SYT14: variants seen among roughly 807,000 people sequenced by gnomAD.
SYT14 encodes synaptotagmin-14.
Under a neutral mutation model 74.2 loss-of-function variants are expected in SYT14, and 32 were observed. The observed-to-expected ratio is 0.43, with a 90% CI of 0.33 to 0.58. SYT14 has a LOEUF of 0.58. Among genes scored for constraint, SYT14 ranks in the 20% least tolerant of loss-of-function variants. SYT14 has a pLI of 0.05. For synonymous variants in SYT14, 298 were observed against 337.7 expected (o/e 0.88, Z 1.29); for missense variants, 791 against 981.8 (o/e 0.81, Z 2.60).
chr1:209,974,493 G>C (rs893022196), intron 2 of SYT14, among the ~76,000 whole-genome samples: 12 of 152,228 alleles, frequency 7.9e-5, no homozygotes, highest in Admixed American at 2.0e-4. Context: ...TCTTGTTTTT[G>C]TCAGATTTGT....
intron 2 of SYT14, among the ~76,000 whole-genome samples, chr1:209,959,973 G>T (rs2079053577): frequency 6.6e-6 from 1 of 152,058 alleles, no homozygotes; most frequent in South Asian, 2.1e-4. Flanking sequence ...TTCTTAACCA[G>T]CTCCTCTTTT....
chr1:210,005,550 T>G (rs1433640549), intron 2 of SYT14, among the ~76,000 whole-genome samples: 1 of 151,990 alleles, frequency 6.6e-6, no homozygotes, highest in Non-Finnish European at 1.5e-5. Context: ...GTTTCTCATT[T>G]AGATAATTGT....
intron 7 of SYT14, among the ~76,000 whole-genome samples, chr1:210,147,034 T>C (rs974222868): frequency 1.2e-4 from 19 of 152,022 alleles, no homozygotes; most frequent in Non-Finnish European, 2.1e-4. Context: ...GCAGGAAGAA[T>C]TGGTCCACCA....
At chr1:210,081,885 C>T (rs531839782) in intron 5 of SYT14, among the ~76,000 whole-genome samples, 1 of 152,208 alleles carries the variant, frequency 6.6e-6, no homozygotes, top group Non-Finnish European at 1.5e-5. Context: ...GATAGTGAAA[C>T]ATCTAGACAG....
intron 5 of SYT14, among the ~76,000 whole-genome samples, chr1:210,087,475 A>G (rs12732578): frequency 6.6e-6 from 1 of 151,818 alleles, no homozygotes. Context: ...CACACTCCTT[A>G]TCTTGTTTGG....
intron 2 of SYT14, among the ~76,000 whole-genome samples, chr1:210,004,069 A>G (rs2079948342): frequency 6.6e-6 from 1 of 152,076 alleles, no homozygotes; most frequent in Admixed American, 6.6e-5. Context: ...TTCACCAGTT[A>G]GAAACATTAT....
At chr1:209,969,426 T>C (rs1316719090) in intron 2 of SYT14, among the ~76,000 whole-genome samples, 1 of 152,106 alleles carries the variant, frequency 6.6e-6, no homozygotes, top group Admixed American at 6.5e-5. Flanking sequence ...TTTTTACTTT[T>C]TAATAATAGC....
At chr1:210,055,866 G>A (rs1238770762) in intron 5 of SYT14, among the ~76,000 whole-genome samples, 2 of 151,882 alleles carry the variant, frequency 1.3e-5, no homozygotes, top group African/African-American at 2.4e-5. Context: ...AAGTCAAAGT[G>A]AGTTCTCAGT....
At chr1:210,156,841 C>T in intron 8 of SYT14, 2 of 361,874 alleles carry the variant, frequency 5.5e-6, no homozygotes, top group South Asian at 2.1e-5. Context: ...TACAGGCACC[C>T]ACCACCACAC....
At chr1:210,021,489 T>C (rs1223339193) in intron 5 of SYT14, among the ~76,000 whole-genome samples, 3 of 152,228 alleles carry the variant, frequency 2.0e-5, no homozygotes, top group Admixed American at 6.5e-5. Flanking sequence ...GTGTTAATTG[T>C]AGCTCTTATT....
intron 5 of SYT14, among the ~76,000 whole-genome samples, chr1:210,046,228 G>C (rs1261886255): frequency 6.6e-6 from 1 of 152,080 alleles, no homozygotes; most frequent in East Asian, 1.9e-4. Flanking sequence ...ACAAAAATTG[G>C]CTAGGCATGG....
intron 5 of SYT14, among the ~76,000 whole-genome samples, chr1:210,070,390 G>GTTAA (rs1436262515): frequency 3.9e-5 from 6 of 152,184 alleles, no homozygotes; most frequent in African/African-American, 1.4e-4. Context: ...AAATGGAACT[G>GTTAA]TTAAATGTTA....
intron 2 of SYT14, among the ~76,000 whole-genome samples, chr1:209,983,455 CT>C (rs1414726678): frequency 1.3e-5 from 2 of 152,066 alleles, no homozygotes; most frequent in African/African-American, 4.8e-5. Flanking sequence ...TTAATGTTTA[CT>C]GAGTCTCTGA....
intron 1 of SYT14, among the ~76,000 whole-genome samples, chr1:209,951,510 C>G (rs11119374): frequency 2.0e-5 from 3 of 151,816 alleles, no homozygotes; most frequent in Non-Finnish European, 4.4e-5. Context: ...ATATATTTAC[C>G]ACATTTTCTT....
chr1:210,059,765 A>G (rs2081174368), intron 5 of SYT14, among the ~76,000 whole-genome samples: 1 of 152,070 alleles, frequency 6.6e-6, no homozygotes, highest in South Asian at 2.1e-4. Context: ...TGTGAGTGTT[A>G]AGAGTCTCAT....
chr1:210,140,605 T>C (rs1319187668), intron 7 of SYT14, among the ~76,000 whole-genome samples: 3 of 152,156 alleles, frequency 2.0e-5, no homozygotes, highest in East Asian at 1.9e-4. Flanking sequence ...TTTACTACTA[T>C]GTTTTCTTCT....
At chr1:209,973,856 A>G (rs543420911) in intron 2 of SYT14, among the ~76,000 whole-genome samples, 34 of 152,300 alleles carry the variant, frequency 2.2e-4, no homozygotes, top group African/African-American at 8.2e-4. Context: ...ATTTCTCCAC[A>G]TCCTCTCCAG....
chr1:210,107,915 A>G (rs2082188489), intron 7 of SYT14, among the ~76,000 whole-genome samples: 1 of 150,910 alleles, frequency 6.6e-6, no homozygotes. Context: ...TTGTTTTTTT[A>G]TGATAATCAT....
At chr1:209,965,217 A>G (rs535732259) in intron 2 of SYT14, among the ~76,000 whole-genome samples, 1 of 152,110 alleles carries the variant, frequency 6.6e-6, no homozygotes, top group Non-Finnish European at 1.5e-5. Flanking sequence ...TAGTTATTCA[A>G]CCCTTTTCCC....
Sources: allele counts gnomAD v4.1 joint callset (sites outside exome capture counted in the v4.1 genomes callset), GRCh38; gene constraint gnomAD v4.1.1; transcripts MANE v1.5; gene names NCBI Gene and HGNC (gene_info 2026-07-23, HGNC 2026-07-21).